Variants in PEX14 observed in about 807,000 individuals in gnomAD.
PEX14 encodes peroxisomal biogenesis factor 14.
Under a neutral mutation model 49.5 loss-of-function variants are expected in PEX14, and 15 were observed. That is an observed-to-expected ratio of 0.30 (90% CI 0.20 to 0.47). The LOEUF is 0.47. PEX14 is among the 20% of genes least tolerant of loss of function. The probability of loss-of-function intolerance (pLI) is 1.00; values close to 1 mark genes in which losing one functional copy is unlikely to be tolerated. For missense variants in PEX14, 398 were observed against 494.8 expected, an observed-to-expected ratio of 0.80 and a Z score of 1.86; for synonymous variants, 210 against 212.7, an observed-to-expected ratio of 0.99 and a Z score of 0.11.
intron 2 of PEX14, among the ~76,000 whole-genome samples, chr1:10,499,629 A>G (rs755933126): frequency 4.0e-5 from 6 of 151,748 alleles, no homozygotes; most frequent in Non-Finnish European, 8.8e-5. Context: ...TTGTATTTTT[A>G]GTGGAGACAG....
intron 2 of PEX14, among the ~76,000 whole-genome samples, chr1:10,501,850 A>G (rs1641686650): frequency 6.6e-6 from 1 of 152,136 alleles, no homozygotes; most frequent in African/African-American, 2.4e-5. Context: ...GGTTGAGGCT[A>G]CAGTGAGCTG....
chr1:10,498,922 C>T (rs918047659), intron 2 of PEX14, among the ~76,000 whole-genome samples: 1 of 152,202 alleles, frequency 6.6e-6, no homozygotes, highest in Non-Finnish European at 1.5e-5. Flanking sequence ...TGTGAATTTC[C>T]CACAGACTCT....
At chr1:10,546,082 A>G (rs1201236883) in intron 3 of PEX14, among the ~76,000 whole-genome samples, 1 of 152,032 alleles carries the variant, frequency 6.6e-6, no homozygotes, top group Non-Finnish European at 1.5e-5. Flanking sequence ...ATTAAATGAA[A>G]ATGATATGGA....
intron 3 of PEX14, 154 bp downstream of exon 3, chr1:10,536,451 G>T (rs1368239925): frequency 3.0e-6 from 2 of 668,828 alleles, no homozygotes. Flanking sequence ...CCCCAGTGGG[G>T]CATGCAGGTT....
intron 2 of PEX14, among the ~76,000 whole-genome samples, chr1:10,497,577 C>T (rs192019940): frequency 2.6e-5 from 4 of 152,280 alleles, no homozygotes; most frequent in Non-Finnish European, 4.4e-5. Context: ...AAACTGCACA[C>T]GACTGTATGT....
intron 3 of PEX14, 22 bp from the exon 4 acceptor site, chr1:10,599,216 A>C (rs1640913709): frequency 1.2e-6 from 2 of 1,613,674 alleles, no homozygotes; most frequent in Non-Finnish European, 1.7e-6. Context: ...ACTCACCTGC[A>C]ATGATGTCCT....
chr1:10,629,522 T>G lies in PEX14; in HGVS notation c.678-9T>G. 6.2e-7 allele frequency: 1 copy of G among 1,600,012 alleles called. No individual in the cohort carries two copies. Among genetic ancestry groups the G allele is most frequent in the Non-Finnish European group, 8.6e-7 (1 of 1,168,258 alleles). On this transcript the variant is annotated splice_polypyrimidine_tract_variant and intron_variant, in intron 8 of 8. Coordinates refer to ENST00000356607, the MANE Select transcript of PEX14 (RefSeq NM_004565.3). The surrounding 1 kb of genome is among the most constrained non-coding windows in gnomAD (Gnocchi z 8.5). ...CGCCACCAACCTCCTCCCCTTCTTC[T>G]CCCTCTAGGAGGCAGTTCCCTCCAT... is the stretch of plus-strand genomic sequence containing the variant.
chr1:10,511,278 T>C (rs1427384294), intron 2 of PEX14, among the ~76,000 whole-genome samples: 1 of 152,228 alleles, frequency 6.6e-6, no homozygotes, highest in Non-Finnish European at 1.5e-5. Context: ...CTTTTATATT[T>C]CTATTTTCTC....
chr1:10,619,530 G>A (rs1271915920), intron 5 of PEX14, among the ~76,000 whole-genome samples: 1 of 151,932 alleles, frequency 6.6e-6, no homozygotes. Flanking sequence ...GGCCAGGCCG[G>A]TCTCGAACTC....
At chr1:10,563,882 A>G (rs925568472) in intron 3 of PEX14, among the ~76,000 whole-genome samples, 1 of 151,890 alleles carries the variant, frequency 6.6e-6, no homozygotes, top group African/African-American at 2.4e-5. Context: ...ACTGCACTAC[A>G]GCCTGGCGAC....
chr1:10,519,494 G>T (rs1642029722), intron 2 of PEX14, among the ~76,000 whole-genome samples: 1 of 152,180 alleles, frequency 6.6e-6, no homozygotes, highest in Non-Finnish European at 1.5e-5. Flanking sequence ...TCAGGGAATG[G>T]TGCGCTGGGT....
intron 3 of PEX14, among the ~76,000 whole-genome samples, chr1:10,550,633 G>A (rs190991247): frequency 6.6e-6 from 1 of 152,318 alleles, no homozygotes; most frequent in Admixed American, 6.5e-5. Flanking sequence ...CAGCTTAAAA[G>A]CATTCACACA....
chr1:10,526,376 A>T (rs2480783), intron 2 of PEX14, among the ~76,000 whole-genome samples: 2 of 151,996 alleles, frequency 1.3e-5, no homozygotes, highest in Admixed American at 6.5e-5. Context: ...GAACCACCAC[A>T]CCCAGCTAAG....
chr1:10,588,011 TC>T (rs1482257024), intron 3 of PEX14, among the ~76,000 whole-genome samples: 1 of 142,374 alleles, frequency 7.0e-6, no homozygotes, highest in African/African-American at 2.6e-5. Flanking sequence ...GATCACGAGG[TC>T]AGGAGTTCAA....
At chr1:10,500,926 C>T (rs956087310) in intron 2 of PEX14, among the ~76,000 whole-genome samples, 8 of 152,074 alleles carry the variant, frequency 5.3e-5, no homozygotes, top group Non-Finnish European at 1.2e-4. Context: ...TGTGTGCACT[C>T]ATGTATGCAT....
At chr1:10,607,236 A>G (rs528280121) in intron 4 of PEX14, among the ~76,000 whole-genome samples, 6 of 151,630 alleles carry the variant, frequency 4.0e-5, no homozygotes, top group African/African-American at 1.5e-4. Flanking sequence ...TTTCCTTTTT[A>G]CCATTGGGTG....
At chr1:10,600,650 G>A (rs1640956353) in intron 4 of PEX14, among the ~76,000 whole-genome samples, 1 of 151,802 alleles carries the variant, frequency 6.6e-6, no homozygotes, top group South Asian at 2.1e-4. Flanking sequence ...CCCAGGAGGT[G>A]GAAGTTGCAG....
At position 10,597,964 on chromosome 1, in the gene PEX14, A is replaced by G. The variant is rs1195072024; in HGVS notation, c.170-1274A>G. The stretch of plus-strand genomic sequence containing the variant: ...TTTAAAGCATTAATGTGCACCATCT[A>G]TTAGCCCCTAGGCATGGAGTATGAG... On this transcript the variant is annotated intron_variant, in intron 3 of 8. Coordinates refer to ENST00000356607, the MANE Select transcript of PEX14 (RefSeq NM_004565.3). This position sits in a 1 kb window ranked among gnomAD's most constrained non-coding sequence, Gnocchi z 5.7. Among the ~76,000 whole-genome samples, 2 of 152,230 alleles carry G rather than the reference A, an allele frequency of 1.3e-5. No homozygotes were observed. The highest frequency in any genetic ancestry group is 2.9e-5 in the Non-Finnish European group (2 of 68,036).
intron 2 of PEX14, among the ~76,000 whole-genome samples, chr1:10,507,131 A>G (rs1013220510): frequency 6.6e-6 from 1 of 152,186 alleles, no homozygotes; most frequent in African/African-American, 2.4e-5. Context: ...TTTGATTCCA[A>G]CAAATTTGTG....
Sources: allele counts gnomAD v4.1 joint callset (sites outside exome capture counted in the v4.1 genomes callset), GRCh38; gene constraint gnomAD v4.1.1; non-coding constraint Gnocchi (gnomAD v3.1); transcripts MANE v1.5; gene names NCBI Gene and HGNC (gene_info 2026-07-23, HGNC 2026-07-21).